Variants in NLGN1 observed in about 807,000 individuals in gnomAD.
NLGN1 encodes the protein neuroligin-1.
In NLGN1, 12 loss-of-function variants were observed where a neutral mutation model predicts 65.5. The ratio of observed to expected loss-of-function variants is 0.18; its 90% CI spans 0.12 to 0.30. NLGN1 has a LOEUF of 0.30. Ranked by LOEUF, NLGN1 falls within the 10% of genes least tolerant of loss-of-function variation. The probability of loss-of-function intolerance (pLI) is 1.00; values close to 1 mark genes in which losing one functional copy is unlikely to be tolerated. For missense variants in NLGN1, 750 were observed against 1,007.1 expected (o/e 0.74, Z 3.46); for synonymous variants, 350 against 359.5 (o/e 0.97, Z 0.30).
At chr3:174,041,110 G>A (rs777467938) in intron 4 of NLGN1, among the ~76,000 whole-genome samples, 32 of 152,048 alleles carry the variant, frequency 2.1e-4, no homozygotes, top group African/African-American at 7.2e-4. Context: ...GATACAGACC[G>A]TTGTCATCAC....
intron 4 of NLGN1, among the ~76,000 whole-genome samples, chr3:174,033,702 A>G (rs1388472505): frequency 2.0e-5 from 3 of 152,224 alleles, no homozygotes; most frequent in Admixed American, 6.5e-5. Flanking sequence ...GACTTGACAC[A>G]GTGGAGGAAA....
intron 4 of NLGN1, among the ~76,000 whole-genome samples, chr3:173,941,508 A>G (rs1746085857): frequency 6.6e-6 from 1 of 151,912 alleles, no homozygotes; most frequent in South Asian, 2.1e-4. Flanking sequence ...AAACAAGGCA[A>G]TTGACTCAAA....
chr3:174,197,566 A>G (rs192479158), intron 4 of NLGN1, among the ~76,000 whole-genome samples: 22 of 148,208 alleles, frequency 1.5e-4, no homozygotes, highest in Non-Finnish European at 3.3e-4. Context: ...GGCTTGGGTA[A>G]CAATAACTCT....
At chr3:173,480,296 G>T (rs1053543750) in intron 2 of NLGN1, among the ~76,000 whole-genome samples, 4 of 151,994 alleles carry the variant, frequency 2.6e-5, no homozygotes, top group African/African-American at 9.7e-5. Context: ...GAAGACAAAT[G>T]TATGACTTGC....
At chr3:173,478,895 T>TGA (rs374443580) in intron 2 of NLGN1, among the ~76,000 whole-genome samples, 270 of 142,950 alleles carry the variant, frequency 1.9e-3, no homozygotes, top group African/African-American at 6.8e-3. Context: ...GTGTCTCGAT[T>TGA]AAAAAAAAAA....
chr3:173,621,871 T>C (rs1190519159), intron 3 of NLGN1, among the ~76,000 whole-genome samples: 1 of 152,048 alleles, frequency 6.6e-6, no homozygotes, highest in Non-Finnish European at 1.5e-5. Flanking sequence ...TTCAGCAAAA[T>C]TGATCATGGG....
chr3:173,788,798 A>G (rs111441438), intron 3 of NLGN1, among the ~76,000 whole-genome samples: 6 of 142,150 alleles, frequency 4.2e-5, no homozygotes, highest in African/African-American at 1.3e-4. Context: ...AGCCACTACC[A>G]TAATCCAGCC....
intron 2 of NLGN1, among the ~76,000 whole-genome samples, chr3:173,443,330 T>C (rs35627089): frequency 2.2e-5 from 2 of 89,994 alleles, no homozygotes; most frequent in African/African-American, 2.9e-5. Context: ...TATATATATA[T>C]ATACACTATG....
At chr3:173,671,328 C>T (rs894905436) in intron 3 of NLGN1, among the ~76,000 whole-genome samples, 3 of 152,012 alleles carry the variant, frequency 2.0e-5, no homozygotes, top group Admixed American at 6.6e-5. Flanking sequence ...GGCGAAACCC[C>T]GCCTCTACAT....
At chr3:173,930,834 G>C (rs993991225) in intron 4 of NLGN1, among the ~76,000 whole-genome samples, 1 of 152,302 alleles carries the variant, frequency 6.6e-6, no homozygotes, top group East Asian at 1.9e-4. Flanking sequence ...CCAGGAGATA[G>C]AATTGTTCAA....
At position 173,926,495 on chromosome 3, in the gene NLGN1, T is replaced by A. The variant is rs115875020; in HGVS notation, c.646+118663T>A. Among the ~76,000 whole-genome samples the A allele has an allele frequency of 7.6e-3, 1,162 of 152,286 alleles. 9 individuals are homozygous for A. The highest frequency in any genetic ancestry group is 0.026 in the African/African-American group (1,090 of 41,564). ...ATCCCAATCTTACTTCCCACTAAAT[T>A]CTGAGAATAATCTGCTTCCAACAAA... On this transcript the variant is annotated intron_variant, in intron 4 of 6. Transcript: ENST00000457714.
At chr3:174,286,321 A>T (rs1671441161) in exon 7 of NLGN1, 1 of 151,466 alleles carries the variant, frequency 6.6e-6, no homozygotes, top group African/African-American at 2.4e-5. Flanking sequence ...TTGAGTTGAA[A>T]TGAATGATAA....
At chr3:173,986,602 C>T (rs1719994292) in intron 4 of NLGN1, among the ~76,000 whole-genome samples, 1 of 151,994 alleles carries the variant, frequency 6.6e-6, no homozygotes, top group African/African-American at 2.4e-5. Context: ...CCTTGCCTAC[C>T]AACACCTTAA....
intron 2 of NLGN1, among the ~76,000 whole-genome samples, chr3:173,596,789 T>G (rs1191547814): frequency 6.6e-6 from 1 of 152,186 alleles, no homozygotes; most frequent in African/African-American, 2.4e-5. Flanking sequence ...GAGTAAACCC[T>G]TTTTGGCCTT....
chr3:173,846,686 C>G (rs1725858178), intron 4 of NLGN1, among the ~76,000 whole-genome samples: 1 of 152,168 alleles, frequency 6.6e-6, no homozygotes, highest in Admixed American at 6.5e-5. Flanking sequence ...TGACATTTTA[C>G]TCTACTGAGG....
chr3:174,128,118 T>A (rs745669602), intron 4 of NLGN1, among the ~76,000 whole-genome samples: 8 of 152,132 alleles, frequency 5.3e-5, no homozygotes, highest in Non-Finnish European at 1.2e-4. Context: ...ACCTCCTAAT[T>A]TTCCAATACA....
intron 4 of NLGN1, among the ~76,000 whole-genome samples, chr3:174,034,046 A>G (rs1299349728): frequency 6.6e-6 from 1 of 152,106 alleles, no homozygotes; most frequent in Non-Finnish European, 1.5e-5. Flanking sequence ...AAAGATAAAG[A>G]CAAAATCTAG....
intron 4 of NLGN1, among the ~76,000 whole-genome samples, chr3:174,013,316 G>A (rs1460078961): frequency 6.6e-6 from 1 of 152,140 alleles, no homozygotes; most frequent in African/African-American, 2.4e-5. Flanking sequence ...TTCTACTGTT[G>A]CATGATTTGC....
At chr3:173,585,447 G>A (rs1219435890) in intron 2 of NLGN1, among the ~76,000 whole-genome samples, 1 of 152,112 alleles carries the variant, frequency 6.6e-6, no homozygotes. Flanking sequence ...ATATTTTGCA[G>A]GGGGAATTGG....
Sources: allele counts gnomAD v4.1 joint callset (sites outside exome capture counted in the v4.1 genomes callset), GRCh38; gene constraint gnomAD v4.1.1; transcripts MANE v1.5; gene names NCBI Gene and HGNC (gene_info 2026-07-23, HGNC 2026-07-21).